The following LMF1 variants were observed in gnomAD, a reference collection of about 807,000 sequenced individuals.
The protein encoded by LMF1 is transmembrane protein 112.
In LMF1, 68 loss-of-function variants were observed where a neutral mutation model predicts 60.6. The ratio of observed to expected loss-of-function variants is 1.12; its 90% CI spans 0.92 to 1.37. The LOEUF is 1.37. LMF1 is among the 40% of genes most tolerant of loss of function. The pLI is 0.00. For missense variants in LMF1, 948 were observed against 767.2 expected, an observed-to-expected ratio of 1.24 and a Z score of -2.78; for synonymous variants, 418 against 324.7, an observed-to-expected ratio of 1.29 and a Z score of -3.09.
intron 4 of LMF1, among the ~76,000 whole-genome samples, chr16:893,980 T>A (rs1449324220): frequency 6.6e-6 from 1 of 151,722 alleles, no homozygotes. Context: ...CTGGGCTCCA[T>A]CCACCTGTCC....
intron 4 of LMF1, among the ~76,000 whole-genome samples, chr16:894,070 ACCCGT>A (rs1316980234): frequency 5.9e-5 from 2 of 34,086 alleles, no homozygotes; most frequent in Non-Finnish European, 1.1e-4. Flanking sequence ...CCATCCGCCC[ACCCGT>A]CCCCCTGTCC....
intron 4 of LMF1, among the ~76,000 whole-genome samples, chr16:908,809 T>G (rs1233568003): frequency 2.0e-5 from 3 of 152,226 alleles, no homozygotes; most frequent in Admixed American, 2.0e-4. Context: ...CTGTCAGGGA[T>G]GCCCCGGTGC....
chr16:942,724 C>A (rs1340432020), intron 2 of LMF1, among the ~76,000 whole-genome samples: 1 of 138,740 alleles, frequency 7.2e-6, no homozygotes, highest in Non-Finnish European at 1.6e-5. Flanking sequence ...TATGTTAGAC[C>A]ACCTAGTGCT....
chr16:867,601 C>CT (rs2069647426), intron 10 of LMF1, among the ~76,000 whole-genome samples: 1 of 152,208 alleles, frequency 6.6e-6, no homozygotes, highest in Non-Finnish European at 1.5e-5. Context: ...GCTCCCAGGG[C>CT]TGCTGGTGGC....
At chr16:931,665 T>C in intron 3 of LMF1, 1 of 1,287,032 alleles carries the variant, frequency 7.8e-7, no homozygotes. Flanking sequence ...AGCTCTATGT[T>C]CTCCAAGATC....
At chr16:918,320 G>A (rs2071336129) in intron 3 of LMF1, among the ~76,000 whole-genome samples, 1 of 152,196 alleles carries the variant, frequency 6.6e-6, no homozygotes, top group African/African-American at 2.4e-5. Flanking sequence ...AGCCCCAGGT[G>A]TCCCTGTGGC....
In LMF1 at chr16:869,970, G is replaced by A. The variant is rs142723685; in HGVS notation, c.1329C>T (p.Cys443=). Residue 443 remains cysteine (C), a synonymous_variant, in exon 9 of 11, where the codon TGC becomes TGT. Transcript: ENST00000262301. ...DAMWEDYEFK[C]KPGDPSRRPC... is the part of the protein sequence containing the mutation. ...GCCGTCTGCTGGGGTCACCTGGCTT[G>A]CACTTGAACTCGTAGTCCTCCCACA... 1.2e-6 allele frequency: 2 copies of A among 1,613,358 alleles called. No homozygotes were observed. Among genetic ancestry groups the A allele is most frequent in the East Asian group, 4.5e-5 (2 of 44,886 alleles).
intron 2 of LMF1, among the ~76,000 whole-genome samples, chr16:948,281 G>A (rs556572262): frequency 1.6e-4 from 23 of 146,728 alleles, no homozygotes; most frequent in Middle Eastern, 4.3e-3. Context: ...GTCAGCCAAC[G>A]ACAGAGTCAG....
intron 2 of LMF1, among the ~76,000 whole-genome samples, chr16:952,136 G>A (rs1323312104): frequency 6.6e-6 from 1 of 152,162 alleles, no homozygotes; most frequent in African/African-American, 2.4e-5. Context: ...CTCCTGCCCT[G>A]CCCTGGTGAC....
At chr16:943,108 A>G (rs181461330) in intron 2 of LMF1, among the ~76,000 whole-genome samples, 260 of 152,258 alleles carry the variant, frequency 1.7e-3, no homozygotes, top group African/African-American at 5.9e-3. Context: ...ACGGTGGCTC[A>G]CGCCTGTAAT....
intron 2 of LMF1, among the ~76,000 whole-genome samples, chr16:948,085 G>A (rs1446133035): frequency 6.8e-6 from 1 of 147,674 alleles, no homozygotes; most frequent in Non-Finnish European, 1.5e-5. Context: ...GAGACAACGA[G>A]AGAGTCAGCC....
chr16:916,515 C>A (rs1382066171), intron 3 of LMF1, among the ~76,000 whole-genome samples: 6 of 152,218 alleles, frequency 3.9e-5, no homozygotes, highest in Admixed American at 1.3e-4. Flanking sequence ...TATCACGGAA[C>A]AGGGGCTGTG....
At chr16:905,133 C>T in intron 4 of LMF1, 1 of 167,522 alleles carries the variant, frequency 6.0e-6, no homozygotes, top group Non-Finnish European at 1.2e-5. Flanking sequence ...GTGACCTCTG[C>T]ACTGCCCACA....
chr16:912,529 C>A (rs972934745), intron 3 of LMF1, among the ~76,000 whole-genome samples: 2 of 152,228 alleles, frequency 1.3e-5, no homozygotes, highest in African/African-American at 2.4e-5. Context: ...ATAAGCAGAT[C>A]GGCGTGAGTG....
intron 9 of LMF1, among the ~76,000 whole-genome samples, 176 bp downstream of exon 9, chr16:869,707 C>T (rs1055693900): frequency 5.9e-5 from 9 of 152,178 alleles, no homozygotes; most frequent in Admixed American, 4.6e-4. Flanking sequence ...GAGGCCCCTC[C>T]TAAGGCTGGG....
chr16:923,220 C>T (rs1185284994), intron 3 of LMF1, among the ~76,000 whole-genome samples: 8 of 152,186 alleles, frequency 5.3e-5, no homozygotes, highest in Admixed American at 5.2e-4. Context: ...GGATCTGCGT[C>T]ATGGCAAAAC....
At chr16:927,996 A>C (rs2071659617) in intron 3 of LMF1, among the ~76,000 whole-genome samples, 1 of 152,162 alleles carries the variant, frequency 6.6e-6, no homozygotes, top group Non-Finnish European at 1.5e-5. Context: ...ACAGCAGCAA[A>C]ACCCAGGAGG....
intron 5 of LMF1, 33 bp downstream of exon 5, chr16:892,974 G>C (rs1170671249): frequency 1.3e-6 from 2 of 1,511,310 alleles, no homozygotes; most frequent in South Asian, 1.2e-5. Flanking sequence ...GTGAGACCGG[G>C]TGCCCTGCCC....
chr16:860,193 T>G (rs2069416372), intron 10 of LMF1, among the ~76,000 whole-genome samples: 1 of 92,816 alleles, frequency 1.1e-5, no homozygotes, highest in Admixed American at 1.3e-4. Context: ...GCTTAAAAAT[T>G]ATCTTTGTTC....
Sources: allele counts gnomAD v4.1 joint callset (sites outside exome capture counted in the v4.1 genomes callset), GRCh38; gene constraint gnomAD v4.1.1; transcripts MANE v1.5; gene names NCBI Gene and HGNC (gene_info 2026-07-23, HGNC 2026-07-21).